The following TDRD5 variants were observed in gnomAD, a reference collection of about 807,000 sequenced individuals.
TDRD5 encodes the protein tudor domain containing 5, also known as tudor domain-containing protein 5.
A neutral mutation model predicts 120.6 loss-of-function variants in TDRD5; 41 were observed. The ratio of observed to expected loss-of-function variants is 0.34; its 90% CI spans 0.26 to 0.44. The LOEUF (loss-of-function observed/expected upper bound fraction) is 0.44, where lower values mean the gene tolerates loss of function less well. TDRD5 is among the 20% of genes least tolerant of loss of function. TDRD5 has a pLI of 1.00. For missense variants in TDRD5, 1,006 were observed against 1,221.2 expected, an observed-to-expected ratio of 0.82 and a Z score of 2.63; for synonymous variants, 430 against 433.7, an observed-to-expected ratio of 0.99 and a Z score of 0.11.
At chr1:179,619,625 C>CT (rs1186767641) in intron 5 of TDRD5, among the ~76,000 whole-genome samples, 10,034 of 145,372 alleles carry the variant, frequency 0.069, 373 homozygotes, top group African/African-American at 0.082. Flanking sequence ...TTCAATATGA[C>CT]TTTTTTTTTT....
intron 13 of TDRD5, among the ~76,000 whole-genome samples, chr1:179,652,892 ATAT>A (rs1678796590): frequency 6.6e-6 from 1 of 152,214 alleles, no homozygotes; most frequent in Non-Finnish European, 1.5e-5. Context: ...ATTATTTAAA[ATAT>A]TATATAAAAT....
At chr1:179,673,196 A>G (rs1305600605) in intron 17 of TDRD5, among the ~76,000 whole-genome samples, 1 of 152,050 alleles carries the variant, frequency 6.6e-6, no homozygotes, top group African/African-American at 2.4e-5. Flanking sequence ...CAGTATGATC[A>G]TTTTCACAAT....
chr1:179,675,267 A>AT (rs1451321142), intron 17 of TDRD5, among the ~76,000 whole-genome samples: 27 of 27,758 alleles, frequency 9.7e-4, no homozygotes, highest in African/African-American at 1.3e-3. Context: ...TATTATTATT[A>AT]TTATTATTTT....
At chr1:179,681,182 A>T (rs1680401255) in intron 17 of TDRD5, among the ~76,000 whole-genome samples, 2 of 152,228 alleles carry the variant, frequency 1.3e-5, no homozygotes, top group African/African-American at 4.8e-5. Context: ...GGTTCAAGTG[A>T]TCTTCCTGCT....
intron 17 of TDRD5, among the ~76,000 whole-genome samples, chr1:179,676,384 AT>A (rs1187507481): frequency 1.2e-4 from 19 of 152,236 alleles, no homozygotes; most frequent in African/African-American, 4.3e-4. Flanking sequence ...GTACTATTCT[AT>A]TCATCATGCT....
At chr1:179,665,592 T>TA (rs1282828365) in intron 16 of TDRD5, among the ~76,000 whole-genome samples, 1 of 152,206 alleles carries the variant, frequency 6.6e-6, no homozygotes, top group Non-Finnish European at 1.5e-5. Context: ...ATTCTCTATG[T>TA]GTCTGTTCCT....
At chr1:179,676,884 A>C (rs1388951753) in intron 17 of TDRD5, among the ~76,000 whole-genome samples, 1 of 152,102 alleles carries the variant, frequency 6.6e-6, no homozygotes, top group African/African-American at 2.4e-5. Context: ...TTGTATTTGG[A>C]TATCTAGATC....
intron 6 of TDRD5, among the ~76,000 whole-genome samples, chr1:179,627,885 A>G (rs899155994): frequency 5.3e-5 from 8 of 152,214 alleles, no homozygotes; most frequent in African/African-American, 1.9e-4. Flanking sequence ...GCAGGAGGGA[A>G]AGCATACATC....
intron 4 of TDRD5, among the ~76,000 whole-genome samples, chr1:179,614,462 C>T (rs1676454967): frequency 6.6e-6 from 1 of 152,018 alleles, no homozygotes; most frequent in Admixed American, 6.6e-5. Flanking sequence ...AAATCTTGCT[C>T]AAGTATGCAC....
intron 4 of TDRD5, among the ~76,000 whole-genome samples, chr1:179,602,244 C>T (rs1169261743): frequency 1.3e-5 from 2 of 152,196 alleles, no homozygotes; most frequent in Non-Finnish European, 2.9e-5. Flanking sequence ...TGATGATGGC[C>T]ATTCTTGCAG....
At position 179,621,081 on chromosome 1, in the gene TDRD5, G is replaced by A; in HGVS notation, c.962G>A (p.Gly321Glu). 6.2e-7 allele frequency: 1 copy of A among 1,601,558 alleles called. No individual in the cohort carries two copies. The highest frequency in any genetic ancestry group is 8.5e-7 in the Non-Finnish European group (1 of 1,176,460). Reference protein sequence around the residue: ...PEGLFISKLLGEYEVIFKEQL... With the variant: ...PEGLFISKLLEEYEVIFKEQL... The stretch of plus-strand genomic sequence containing the variant: ...GGTTTGTTTATTTCTAAACTGCTTG[G>A]AGAGTATGAGGTAAGTGTTTTGCTT... The change falls in exon 6 of 18, where the codon GGA (glycine) becomes GAA (glutamate). Residue 321 changes from glycine (G) to glutamate (E), a missense_variant. This residue lies in a region of TDRD5 where 445 missense variants were observed against 515.5 expected (regional missense o/e 0.86). Transcript: ENST00000444136.
chr1:179,610,042 G>C (rs1239746920), intron 4 of TDRD5, among the ~76,000 whole-genome samples: 1 of 152,106 alleles, frequency 6.6e-6, no homozygotes, highest in Non-Finnish European at 1.5e-5. Flanking sequence ...CAGGGTGTAG[G>C]AGGGGTGGGT....
intron 11 of TDRD5, among the ~76,000 whole-genome samples, chr1:179,643,214 C>T (rs1004876750): frequency 6.6e-5 from 10 of 152,116 alleles, no homozygotes; most frequent in Non-Finnish European, 1.2e-4. Flanking sequence ...TGGATCCAGA[C>T]AGTTTTAACT....
intron 17 of TDRD5, among the ~76,000 whole-genome samples, chr1:179,687,681 T>A (rs1045680785): frequency 9.2e-5 from 14 of 152,112 alleles, no homozygotes; most frequent in Non-Finnish European, 2.1e-4. Context: ...GGAGTCTAAG[T>A]CTCTTTGTAG....
intron 7 of TDRD5, among the ~76,000 whole-genome samples, chr1:179,631,441 C>T (rs1300173746): frequency 6.6e-6 from 1 of 152,076 alleles, no homozygotes; most frequent in Non-Finnish European, 1.5e-5. Context: ...TTTGATAATT[C>T]TGAAGGAAAT....
At chr1:179,664,027 G>A (rs1679446329) in intron 16 of TDRD5, among the ~76,000 whole-genome samples, 1 of 152,126 alleles carries the variant, frequency 6.6e-6, no homozygotes, top group Non-Finnish European at 1.5e-5. Flanking sequence ...TGTGAATCAC[G>A]AAATTTGGCT....
At chr1:179,659,377 A>C (rs1679163840) in intron 14 of TDRD5, among the ~76,000 whole-genome samples, 1 of 151,600 alleles carries the variant, frequency 6.6e-6, no homozygotes, top group African/African-American at 2.4e-5. Context: ...TCATTCTGTC[A>C]GTTTTTCTGT....
At chr1:179,641,557 GA>G (rs1329293659) in intron 11 of TDRD5, among the ~76,000 whole-genome samples, 2 of 151,606 alleles carry the variant, frequency 1.3e-5, no homozygotes, top group Non-Finnish European at 2.9e-5. Context: ...GAAAGAAAAA[GA>G]AAAAAAATTA....
At chr1:179,619,591 C>G (rs892722779) in intron 5 of TDRD5, among the ~76,000 whole-genome samples, 2 of 151,680 alleles carry the variant, frequency 1.3e-5, no homozygotes, top group African/African-American at 4.8e-5. Context: ...GAGCAAGTGT[C>G]CAATAATTAC....
Sources: gnomAD v4.1 joint callset for allele counts (sites outside exome capture counted in the v4.1 genomes callset) on GRCh38, gnomAD v4.1.1 for gene constraint, gnomAD v4.1.1 regional missense constraint, MANE v1.5 for transcripts, NCBI Gene and HGNC (gene_info 2026-07-23, HGNC 2026-07-21) for gene names.